PRDM5: variants seen among roughly 807,000 people sequenced by gnomAD.
PRDM5 encodes PR/SET domain 5.
PRDM5 carries 56 observed loss-of-function variants against 81.2 expected under a neutral mutation model. That is an observed-to-expected ratio of 0.69 (90% CI 0.56 to 0.86). The LOEUF (loss-of-function observed/expected upper bound fraction) is 0.86, where lower values mean the gene tolerates loss of function less well. Ranked by LOEUF, PRDM5 falls within the 40% of genes least tolerant of loss-of-function variation. The probability of loss-of-function intolerance (pLI) is 0.00; values close to 1 mark genes in which losing one functional copy is unlikely to be tolerated. For missense variants in PRDM5, 697 were observed against 770.1 expected (o/e 0.91, Z 1.12); for synonymous variants, 267 against 256.4 (o/e 1.04, Z -0.39).
chr4:120,699,751 TA>T (rs1360541815), intron 15 of PRDM5, among the ~76,000 whole-genome samples: 1 of 152,114 alleles, frequency 6.6e-6, no homozygotes, highest in African/African-American at 2.4e-5. Context: ...CAGACACTGC[TA>T]AAAGAAATCA....
At chr4:120,852,284 C>T (rs925541750) in intron 3 of PRDM5, among the ~76,000 whole-genome samples, 1 of 152,146 alleles carries the variant, frequency 6.6e-6, no homozygotes, top group Non-Finnish European at 1.5e-5. Context: ...GACTAGGCTA[C>T]AGGGTCCCAG....
intron 2 of PRDM5, among the ~76,000 whole-genome samples, chr4:120,858,532 C>G (rs1382985906): frequency 6.7e-6 from 1 of 150,026 alleles, no homozygotes; most frequent in African/African-American, 2.4e-5. Context: ...AAAGGATTCT[C>G]TCTAAAATTA....
chr4:120,794,702 C>T (rs190614990), intron 10 of PRDM5, among the ~76,000 whole-genome samples: 1 of 151,952 alleles, frequency 6.6e-6, no homozygotes. Context: ...TGGCTCACTG[C>T]AACCTCCACC....
At chr4:120,767,134 T>G (rs1463865989) in intron 13 of PRDM5, among the ~76,000 whole-genome samples, 1 of 152,174 alleles carries the variant, frequency 6.6e-6, no homozygotes, top group Non-Finnish European at 1.5e-5. Context: ...TTTTTAATTT[T>G]AGGCACTATC....
chr4:120,719,011 T>C (rs1738207142), intron 14 of PRDM5, among the ~76,000 whole-genome samples: 1 of 152,240 alleles, frequency 6.6e-6, no homozygotes, highest in Non-Finnish European at 1.5e-5. Flanking sequence ...CTTTCTAGCC[T>C]GTACTAAGAA....
intron 1 of PRDM5, among the ~76,000 whole-genome samples, chr4:120,912,009 C>G (rs1336989944): frequency 1.3e-5 from 2 of 152,108 alleles, no homozygotes; most frequent in Admixed American, 6.5e-5. Flanking sequence ...TGAAAAGCTC[C>G]TCTTTACAGG....
At chr4:120,777,654 A>G (rs560999696) in intron 12 of PRDM5, among the ~76,000 whole-genome samples, 2 of 152,256 alleles carry the variant, frequency 1.3e-5, no homozygotes, top group African/African-American at 4.8e-5. Context: ...CATTTTTCAC[A>G]TTCTTTGTGT....
intron 3 of PRDM5, among the ~76,000 whole-genome samples, chr4:120,821,744 A>C (rs1410790763): frequency 1.1e-5 from 1 of 87,770 alleles, no homozygotes; most frequent in South Asian, 3.0e-4. Context: ...CACAAAACTT[A>C]AAAAAAAAAA....
intron 2 of PRDM5, among the ~76,000 whole-genome samples, chr4:120,855,550 G>GA (rs1473652748): frequency 6.6e-6 from 1 of 152,148 alleles, no homozygotes; most frequent in East Asian, 1.9e-4. Context: ...ATGGTAAAGA[G>GA]AATGTACACT....
At chr4:120,801,500 T>C (rs1287021246) in intron 8 of PRDM5, among the ~76,000 whole-genome samples, 1 of 152,172 alleles carries the variant, frequency 6.6e-6, no homozygotes, top group Non-Finnish European at 1.5e-5. Flanking sequence ...GGTGAGTCAT[T>C]AAATTCAGTT....
At chr4:120,723,082 C>T (rs561926517) in intron 14 of PRDM5, among the ~76,000 whole-genome samples, 105 of 152,306 alleles carry the variant, frequency 6.9e-4, no homozygotes, top group African/African-American at 2.3e-3. Flanking sequence ...AATCATTACA[C>T]CATATTCTAA....
At chr4:120,851,287 C>G (rs544460947) in intron 3 of PRDM5, among the ~76,000 whole-genome samples, 1 of 151,942 alleles carries the variant, frequency 6.6e-6, no homozygotes, top group African/African-American at 2.4e-5. Context: ...AATGGGTTGG[C>G]TTAAGGTAAA....
At chr4:120,859,628 C>T (rs1051946044) in intron 2 of PRDM5, among the ~76,000 whole-genome samples, 6 of 152,118 alleles carry the variant, frequency 3.9e-5, no homozygotes, top group African/African-American at 9.7e-5. Flanking sequence ...ATTCAAATAG[C>T]CTCTAACTGA....
chr4:120,702,850 C>A (rs1212470832), intron 15 of PRDM5, among the ~76,000 whole-genome samples: 3 of 152,218 alleles, frequency 2.0e-5, no homozygotes, highest in Non-Finnish European at 2.9e-5. Context: ...TCACCATAAA[C>A]AACTGATACC....
chr4:120,815,273 T>C (rs1754333447), intron 7 of PRDM5, among the ~76,000 whole-genome samples: 1 of 152,174 alleles, frequency 6.6e-6, no homozygotes, highest in Non-Finnish European at 1.5e-5. Context: ...AAGACCCCAG[T>C]ATACTGAATT....
chr4:120,696,358 G>A (rs1734514400), intron 15 of PRDM5, among the ~76,000 whole-genome samples: 1 of 152,022 alleles, frequency 6.6e-6, no homozygotes. Flanking sequence ...GTCACTTTCT[G>A]TCCCACTGTA....
intron 15 of PRDM5, among the ~76,000 whole-genome samples, chr4:120,699,297 A>G (rs1012440559): frequency 6.0e-5 from 9 of 150,420 alleles, no homozygotes; most frequent in Non-Finnish European, 8.9e-5. Context: ...GCTACTGACT[A>G]GTAGTATTAA....
At chr4:120,799,433 A>G (rs540428039) in intron 9 of PRDM5, among the ~76,000 whole-genome samples, 2 of 152,278 alleles carry the variant, frequency 1.3e-5, no homozygotes, top group South Asian at 2.1e-4. Flanking sequence ...GACAAATTAC[A>G]TGGTGATTCT....
At chr4:120,889,533 T>A (rs1039614754) in intron 2 of PRDM5, among the ~76,000 whole-genome samples, 2 of 152,144 alleles carry the variant, frequency 1.3e-5, no homozygotes, top group Non-Finnish European at 2.9e-5. Context: ...GCAAAAAAAA[T>A]TAATAAAAAT....
Sources: allele counts gnomAD v4.1 joint callset (sites outside exome capture counted in the v4.1 genomes callset), GRCh38; gene constraint gnomAD v4.1.1; transcripts MANE v1.5; gene names NCBI Gene and HGNC (gene_info 2026-07-23, HGNC 2026-07-21).